Variants in TTPA observed in about 807,000 individuals in gnomAD.
TTPA encodes alpha-tocopherol transfer protein.
Under a neutral mutation model 25.9 loss-of-function variants are expected in TTPA, and 23 were observed. That is an observed-to-expected ratio of 0.89 (90% CI 0.64 to 1.26). TTPA has a LOEUF of 1.26. Among genes scored for constraint, TTPA ranks in the 50% most tolerant of loss-of-function variants. The probability of loss-of-function intolerance (pLI) is 0.00; values close to 1 mark genes in which losing one functional copy is unlikely to be tolerated. For synonymous variants in TTPA, 148 were observed against 137.3 expected, an observed-to-expected ratio of 1.08 and a Z score of -0.54; for missense variants, 337 against 353.1, an observed-to-expected ratio of 0.95 and a Z score of 0.37.
rs913392511 is a variant in TTPA, at chr8:63,060,145, C to T, written c.*1107G>A. 6.6e-6 allele frequency: 1 copy of T among 152,098 alleles called. No individual in the cohort carries two copies. The highest frequency in any genetic ancestry group is 1.5e-5 in the Non-Finnish European group (1 of 68,018). The allele number at this position is 152,098 out of a possible 1,614,324, so 9.4% of individuals were successfully genotyped here. On this transcript the variant is annotated 3_prime_UTR_variant, in exon 5 of 5. Transcript: ENST00000260116. ...TTTTTAAAATGTAAACATTTCCTTT[C>T]CTTTGTGTAGTTACGTTATTGTTAA...
chr8:63,077,148 T>C (rs922533801), intron 1 of TTPA, among the ~76,000 whole-genome samples: 3 of 152,086 alleles, frequency 2.0e-5, no homozygotes, highest in Admixed American at 1.3e-4. Flanking sequence ...CTAAAATACA[T>C]AAAAATATTT....
chr8:63,085,988 G>A lies in TTPA; in HGVS notation c.34C>T (p.Pro12Ser). Reference protein sequence around the residue: ...AEARSQPSAGPQLNALPDHSP... With the variant: ...AEARSQPSAGSQLNALPDHSP... ...TGGTCCGGTAGCGCGTTGAGCTGCG[G>A]CCCCGCCGAGGGCTGGGATCGCGCC... The change falls in exon 1 of 5, where the codon CCG becomes TCG. Residue 12 changes from proline to serine, a missense_variant. Transcript: ENST00000260116. 2 of 1,493,378 alleles carry A rather than the reference G, an allele frequency of 1.3e-6. No individual in the cohort carries two copies. Among genetic ancestry groups the A allele is most frequent in the South Asian group, 1.3e-5 (1 of 79,478 alleles). 92.5% of individuals were successfully genotyped at this position (1,493,378 alleles called of 1,614,324 possible). A position where few individuals can be genotyped will look rare whatever the true frequency, so the allele number is the denominator to read the frequency against.
downstream of TTPA, among the ~76,000 whole-genome samples, chr8:63,059,256 T>A: frequency 6.6e-6 from 1 of 151,370 alleles, no homozygotes. Flanking sequence ...ATGGTCTCGA[T>A]CTCCTGACCT....
chr8:63,064,752 C>T (rs966209126), intron 3 of TTPA, among the ~76,000 whole-genome samples: 1 of 152,062 alleles, frequency 6.6e-6, no homozygotes, highest in African/African-American at 2.4e-5. Flanking sequence ...ATGTCTTTAG[C>T]ATCAAAGTAA....
intron 1 of TTPA, among the ~76,000 whole-genome samples, chr8:63,075,483 G>A (rs1019881976): frequency 6.6e-6 from 1 of 151,994 alleles, no homozygotes; most frequent in Non-Finnish European, 1.5e-5. Context: ...ACTTTGGGAG[G>A]CCAAAACGGA....
chr8:63,075,006 C>T (rs747137760), intron 1 of TTPA, among the ~76,000 whole-genome samples: 14 of 152,204 alleles, frequency 9.2e-5, no homozygotes, highest in Non-Finnish European at 2.1e-4. Context: ...ATCACTATCT[C>T]GCACAATTTT....
At chr8:63,082,225 T>C (rs779030474) in intron 1 of TTPA, among the ~76,000 whole-genome samples, 11 of 152,206 alleles carry the variant, frequency 7.2e-5, no homozygotes, top group Non-Finnish European at 1.3e-4. Context: ...GGCATCATGC[T>C]ACCTGACTTC....
At chr8:63,085,750 G>A in intron 1 of TTPA, 68 bp downstream of exon 1, 1 of 1,509,414 alleles carries the variant, frequency 6.6e-7, no homozygotes, top group Non-Finnish European at 8.8e-7. Context: ...CAGATATCCG[G>A]GGTCGTGGGG....
intron 2 of TTPA, among the ~76,000 whole-genome samples, chr8:63,070,241 CA>C (rs936304331): frequency 5.9e-5 from 9 of 152,042 alleles, no homozygotes; most frequent in African/African-American, 2.2e-4. Flanking sequence ...TATGGGATCT[CA>C]AAAAACATAA....
intron 1 of TTPA, among the ~76,000 whole-genome samples, chr8:63,085,125 T>A (rs1413586231): frequency 6.6e-6 from 1 of 152,120 alleles, no homozygotes; most frequent in African/African-American, 2.4e-5. Flanking sequence ...GAGACAGGCA[T>A]TTCCATCATT....
At chr8:63,082,042 A>G (rs566258524) in intron 1 of TTPA, among the ~76,000 whole-genome samples, 7 of 152,342 alleles carry the variant, frequency 4.6e-5, no homozygotes, top group Non-Finnish European at 1.0e-4. Flanking sequence ...GGAAGAATCA[A>G]TATCATGAAA....
intron 2 of TTPA, among the ~76,000 whole-genome samples, chr8:63,072,277 G>C (rs1450264705): frequency 6.6e-6 from 1 of 152,090 alleles, no homozygotes; most frequent in Non-Finnish European, 1.5e-5. Flanking sequence ...TTGTTTGTTT[G>C]TTTGAGACGG....
chr8:63,059,335 G>A (rs1215551160), downstream of TTPA, among the ~76,000 whole-genome samples: 1 of 151,806 alleles, frequency 6.6e-6, no homozygotes, highest in Admixed American at 6.6e-5. Flanking sequence ...CCCGGCCCAG[G>A]GTCCAGTTTT....
intron 4 of TTPA, 76 bp from the exon 5 acceptor site, chr8:63,061,501 G>C: frequency 7.4e-7 from 1 of 1,346,950 alleles, no homozygotes; most frequent in Non-Finnish European, 1.1e-6. Flanking sequence ...CATAAAACAA[G>C]GTATTCTAAT....
chr8:63,072,639 T>C (rs1370566974), intron 2 of TTPA, among the ~76,000 whole-genome samples: 1 of 152,230 alleles, frequency 6.6e-6, no homozygotes, highest in Non-Finnish European at 1.5e-5. Flanking sequence ...TTTTCCTTTC[T>C]TCTTATTTTG....
intron 2 of TTPA, 71 bp downstream of exon 2, chr8:63,072,864 A>T: frequency 6.5e-7 from 1 of 1,547,904 alleles, no homozygotes; most frequent in Non-Finnish European, 8.9e-7. Context: ...AGAAAGAGAG[A>T]AGAGGAGAGG....
chr8:63,069,368 T>A (rs1336925132), intron 2 of TTPA, among the ~76,000 whole-genome samples: 3 of 151,922 alleles, frequency 2.0e-5, no homozygotes, highest in Admixed American at 1.3e-4. Flanking sequence ...CCAACCAACA[T>A]AATTGTTTGG....
chr8:63,078,345 T>C (rs1038134591), intron 1 of TTPA, among the ~76,000 whole-genome samples: 2 of 152,168 alleles, frequency 1.3e-5, no homozygotes, highest in African/African-American at 4.8e-5. Flanking sequence ...CTTTGATGAG[T>C]TGACAGAAGT....
intron 1 of TTPA, among the ~76,000 whole-genome samples, chr8:63,078,328 A>C (rs1295153275): frequency 6.6e-6 from 1 of 152,256 alleles, no homozygotes; most frequent in East Asian, 1.9e-4. Context: ...AGCTGGATGG[A>C]GAATGACTTT....
Sources: gnomAD v4.1 joint callset for allele counts (sites outside exome capture counted in the v4.1 genomes callset) on GRCh38, gnomAD v4.1.1 for gene constraint, MANE v1.5 for transcripts, NCBI Gene and HGNC (gene_info 2026-07-23, HGNC 2026-07-21) for gene names.